The following KCNG3 variants were observed in gnomAD, a reference collection of about 807,000 sequenced individuals.
KCNG3 encodes the protein potassium voltage-gated channel modifier subfamily G member 3, also known as voltage-gated potassium channel regulatory subunit KCNG3.
Under a neutral mutation model 29.0 loss-of-function variants are expected in KCNG3, and 15 were observed. That is an observed-to-expected ratio of 0.52 (90% CI 0.35 to 0.80). The LOEUF is 0.80. Among genes scored for constraint, KCNG3 ranks in the 30% least tolerant of loss-of-function variants. The pLI is 0.01. For synonymous variants in KCNG3, 322 were observed against 248.9 expected (o/e 1.29, Z -2.76); for missense variants, 512 against 605.7 (o/e 0.85, Z 1.62).
At chr2:42,428,811 G>T in the KCNG3 span, among the ~76,000 whole-genome samples, 1 of 152,034 alleles carries the variant, frequency 6.6e-6, no homozygotes, top group Non-Finnish European at 1.5e-5. Context: ...GGGGCCTCCT[G>T]CTGATTCCTA....
chr2:42,393,852 C>G, the KCNG3 span, among the ~76,000 whole-genome samples: 2 of 152,002 alleles, frequency 1.3e-5, no homozygotes, highest in African/African-American at 4.8e-5. Context: ...GCAATCTCAG[C>G]TCACTGCAAC....
intron 1 of KCNG3, among the ~76,000 whole-genome samples, chr2:42,491,656 G>GTA (rs1673880004): frequency 6.6e-6 from 1 of 152,158 alleles, no homozygotes; most frequent in African/African-American, 2.4e-5. Context: ...TTCAAAGCAT[G>GTA]TATCTTCGAT....
intron 1 of KCNG3, among the ~76,000 whole-genome samples, chr2:42,454,093 CAAAA>C (rs11322972): frequency 4.4e-5 from 6 of 134,930 alleles, no homozygotes; most frequent in Admixed American, 1.5e-4. Context: ...GCTACTATAC[CAAAA>C]AAAAAAAAAA....
chr2:42,406,778 G>C, the KCNG3 span, among the ~76,000 whole-genome samples: 13 of 148,096 alleles, frequency 8.8e-5, no homozygotes, highest in African/African-American at 3.0e-4. Context: ...AGTGAGCTGA[G>C]ATCGCACCAC....
At chr2:42,487,413 C>T (rs1475223089) in intron 1 of KCNG3, among the ~76,000 whole-genome samples, 2 of 143,320 alleles carry the variant, frequency 1.4e-5, no homozygotes, top group Non-Finnish European at 3.0e-5. Flanking sequence ...GGCGTGAGCT[C>T]AGCTCACTGC....
chr2:42,454,254 T>C (rs1450014062), intron 1 of KCNG3, among the ~76,000 whole-genome samples: 1 of 152,160 alleles, frequency 6.6e-6, no homozygotes, highest in African/African-American at 2.4e-5. Flanking sequence ...TCTGGGTATA[T>C]ATCCAAAAAA....
chr2:42,406,796 C>A, the KCNG3 span, among the ~76,000 whole-genome samples: 1 of 147,874 alleles, frequency 6.8e-6, no homozygotes. Flanking sequence ...CACTGCACTC[C>A]AGCCTGGGTG....
intron 1 of KCNG3, among the ~76,000 whole-genome samples, chr2:42,466,753 CTT>C (rs1553329192): frequency 1.0e-4 from 14 of 134,236 alleles, no homozygotes; most frequent in Admixed American, 1.5e-4. Flanking sequence ...AATACTCTTC[CTT>C]TTTTTTTTTT....
At chr2:42,439,006 C>T (rs1315588064), downstream of KCNG3, among the ~76,000 whole-genome samples, 1 of 152,100 alleles carries the variant, frequency 6.6e-6, no homozygotes, top group African/African-American at 2.4e-5. Context: ...AAGCTTCAAC[C>T]CATGTTACTT....
chr2:42,398,566 T>C, the KCNG3 span, among the ~76,000 whole-genome samples: 1 of 152,162 alleles, frequency 6.6e-6, no homozygotes, highest in African/African-American at 2.4e-5. Context: ...AAACCAATCT[T>C]TTGTTATTAA....
rs114197027 is a variant in KCNG3, at chr2:42,444,911, C to T, written c.666-332G>A. Among the ~76,000 whole-genome samples the T allele has an allele frequency of 0.015, 2,281 of 150,506 alleles. 53 individuals carry two copies. The highest frequency in any genetic ancestry group is 0.051 in the African/African-American group (2,074 of 40,936). ...ACCCCGTCTCCACAAAAAAAAAATA[C>T]AAAAATCAGCTGGGCTTGGTGACAC... On this transcript the variant is annotated intron_variant, in intron 1 of 1. Coordinates refer to ENST00000306078, the MANE Select transcript of KCNG3 (RefSeq NM_133329.6). The surrounding 1 kb of genome is among the most constrained non-coding windows in gnomAD (Gnocchi z 5.8).
the KCNG3 span, among the ~76,000 whole-genome samples, chr2:42,402,735 C>A: frequency 6.6e-6 from 1 of 152,122 alleles, no homozygotes; most frequent in African/African-American, 2.4e-5. Flanking sequence ...TGTTTTGGGG[C>A]TCTTTGTTCT....
At chr2:42,434,180 T>C in the KCNG3 span, among the ~76,000 whole-genome samples, 1 of 152,090 alleles carries the variant, frequency 6.6e-6, no homozygotes, top group Non-Finnish European at 1.5e-5. Context: ...GGCCAGGCAC[T>C]GTAGCCTACA....
chr2:42,407,351 G>C, the KCNG3 span, among the ~76,000 whole-genome samples: 1 of 151,990 alleles, frequency 6.6e-6, no homozygotes, highest in South Asian at 2.1e-4. Flanking sequence ...AATATTTTTA[G>C]AGGCGGGGGC....
intron 1 of KCNG3, among the ~76,000 whole-genome samples, chr2:42,453,146 C>A (rs1484293604): frequency 6.6e-6 from 1 of 152,174 alleles, no homozygotes; most frequent in East Asian, 1.9e-4. Flanking sequence ...AGTGCTGTAA[C>A]AAACATGGGA....
the KCNG3 span, among the ~76,000 whole-genome samples, chr2:42,435,960 A>G: frequency 6.6e-6 from 1 of 152,240 alleles, no homozygotes; most frequent in Non-Finnish European, 1.5e-5. Flanking sequence ...AGCATTATAC[A>G]TAACAGTCAA....
chr2:42,396,569 C>T, the KCNG3 span, among the ~76,000 whole-genome samples: 5 of 152,176 alleles, frequency 3.3e-5, no homozygotes, highest in African/African-American at 1.2e-4. Context: ...GTGGCTCCTG[C>T]AGTCATTTCT....
chr2:42,397,290 C>A, the KCNG3 span, among the ~76,000 whole-genome samples: 2 of 151,074 alleles, frequency 1.3e-5, no homozygotes, highest in Admixed American at 1.3e-4. Flanking sequence ...AAACTCTAAT[C>A]ACGGAAATGG....
chr2:42,427,501 G>T, the KCNG3 span, among the ~76,000 whole-genome samples: 2 of 151,990 alleles, frequency 1.3e-5, no homozygotes, highest in Non-Finnish European at 2.9e-5. Context: ...AGCTACTTGG[G>T]AGGCTGAGGT....
Sources: gnomAD v4.1 joint callset for allele counts (sites outside exome capture counted in the v4.1 genomes callset) on GRCh38, gnomAD v4.1.1 for gene constraint, Gnocchi (gnomAD v3.1) non-coding constraint, MANE v1.5 for transcripts, NCBI Gene and HGNC (gene_info 2026-07-23, HGNC 2026-07-21) for gene names.